The following CEP57 variants were observed in gnomAD, a reference collection of about 807,000 sequenced individuals.
CEP57 encodes centrosomal protein 57.
Under a neutral mutation model 68.0 loss-of-function variants are expected in CEP57, and 40 were observed. The ratio of observed to expected loss-of-function variants is 0.59; its 90% CI spans 0.46 to 0.77. CEP57 has a LOEUF of 0.77. CEP57 is among the 30% of genes least tolerant of loss of function. The probability of loss-of-function intolerance (pLI) is 0.00; values close to 1 mark genes in which losing one functional copy is unlikely to be tolerated. For synonymous variants in CEP57, 219 were observed against 198.7 expected (o/e 1.10, Z -0.86); for missense variants, 606 against 580.7 (o/e 1.04, Z -0.45).
chr11:95,804,745 CAT>C (rs1861721582), intron 2 of CEP57, among the ~76,000 whole-genome samples: 1 of 152,054 alleles, frequency 6.6e-6, no homozygotes, highest in Non-Finnish European at 1.5e-5. Flanking sequence ...AAAGTGTGCT[CAT>C]ATATAAATAA....
chr11:95,822,102 C>T (rs1862541217), intron 7 of CEP57, 124 bp downstream of exon 7: 1 of 740,366 alleles, frequency 1.4e-6, no homozygotes, highest in Non-Finnish European at 2.4e-6. Context: ...TCAATTTCTT[C>T]ATTCAGAAGG....
intron 10 of CEP57, among the ~76,000 whole-genome samples, chr11:95,830,137 A>T (rs1280263783): frequency 6.6e-6 from 1 of 152,154 alleles, no homozygotes; most frequent in East Asian, 1.9e-4. Flanking sequence ...CTTCTCATTT[A>T]ATTTTCACAA....
chr11:95,806,360 T>G (rs1861799914), intron 2 of CEP57, among the ~76,000 whole-genome samples: 1 of 152,252 alleles, frequency 6.6e-6, no homozygotes, highest in South Asian at 2.1e-4. Flanking sequence ...ACCGGGTTCA[T>G]CTCACTGGGG....
chr11:95,829,057 AT>A, intron 9 of CEP57, 129 bp from the exon 10 acceptor site: 3 of 959,576 alleles, frequency 3.1e-6, no homozygotes, highest in Non-Finnish European at 4.7e-6. Flanking sequence ...AAAAAAAAAA[AT>A]TTATTGCTCT....
chr11:95,817,837 A>G lies in CEP57; in HGVS notation c.555A>G (p.Gln185=), dbSNP rs773682444. ...RQHDQTHVQS[Q]LEKLDLLEQE... is the part of the protein sequence containing the mutation. ...ATGATCAAACACATGTTCAGAGCCA[A>G]CTTGAAAAATTGGATCTTCTTGAAC... Residue 185 remains glutamine, a synonymous_variant, in exon 5 of 11, where the codon CAA becomes CAG. Transcript: ENST00000325542. The G allele has an allele frequency of 2.5e-6, 4 of 1,614,070 alleles. No individual in the cohort carries two copies. The highest frequency in any genetic ancestry group is 2.5e-6 in the Non-Finnish European group (3 of 1,179,994).
chr11:95,824,161 A>C (rs1000593866), intron 8 of CEP57, among the ~76,000 whole-genome samples: 9 of 151,580 alleles, frequency 5.9e-5, no homozygotes, highest in Non-Finnish European at 1.2e-4. Context: ...GAAGAGGATC[A>C]CTGTAGCCCA....
chr11:95,815,526 C>G (rs1295974431), intron 4 of CEP57, among the ~76,000 whole-genome samples: 1 of 151,438 alleles, frequency 6.6e-6, no homozygotes, highest in African/African-American at 2.4e-5. Context: ...TTTATGGGAA[C>G]TTAATAAAGA....
At chr11:95,821,404 T>C (rs1565329013) in intron 6 of CEP57, among the ~76,000 whole-genome samples, 1 of 152,188 alleles carries the variant, frequency 6.6e-6, no homozygotes, top group East Asian at 1.9e-4. Flanking sequence ...TGTTTTTTGT[T>C]ATTTTTTTGG....
At chr11:95,816,484 C>T (rs1451471350) in intron 4 of CEP57, among the ~76,000 whole-genome samples, 5 of 152,058 alleles carry the variant, frequency 3.3e-5, no homozygotes, top group Non-Finnish European at 7.4e-5. Context: ...AGAAAGGGGT[C>T]AGTTTAATAA....
intron 2 of CEP57, among the ~76,000 whole-genome samples, chr11:95,808,532 A>G (rs566095293): frequency 3.9e-5 from 6 of 152,196 alleles, no homozygotes; most frequent in Non-Finnish European, 8.8e-5. Context: ...AAGATCTACC[A>G]AGCAAATGGA....
chr11:95,791,792 G>T (rs1217152426), intron 1 of CEP57, among the ~76,000 whole-genome samples: 1 of 152,170 alleles, frequency 6.6e-6, no homozygotes, highest in Non-Finnish European at 1.5e-5. Context: ...AAAAGGCAGT[G>T]CGGGAATTTT....
chr11:95,820,889 G>T (rs1404203002), intron 6 of CEP57, among the ~76,000 whole-genome samples: 1 of 152,124 alleles, frequency 6.6e-6, no homozygotes, highest in African/African-American at 2.4e-5. Flanking sequence ...CTTCCTGAGG[G>T]TAGAGATTCC....
chr11:95,805,370 T>TTTC (rs1861753627), intron 2 of CEP57, among the ~76,000 whole-genome samples: 1 of 152,226 alleles, frequency 6.6e-6, no homozygotes, highest in African/African-American at 2.4e-5. Flanking sequence ...ATTTTTCAGG[T>TTTC]TTCTTCCTGT....
At chr11:95,818,119 T>C in intron 5 of CEP57, 1 of 489,984 alleles carries the variant, frequency 2.0e-6, no homozygotes, top group Non-Finnish European at 3.7e-6. Flanking sequence ...GTTAAAAAAT[T>C]AAATGTTTTT....
At chr11:95,817,022 A>C (rs1485250514) in intron 4 of CEP57, among the ~76,000 whole-genome samples, 5 of 151,898 alleles carry the variant, frequency 3.3e-5, no homozygotes, top group Non-Finnish European at 5.9e-5. Context: ...AAAAAAAAAC[A>C]AAGTCTATAT....
chr11:95,812,981 A>G lies in CEP57; in HGVS notation c.252A>G (p.Glu84=), dbSNP rs748775990. 3.7e-6 allele frequency: 6 copies of G among 1,614,066 alleles called. No homozygotes were observed. Among genetic ancestry groups the G allele is most frequent in the South Asian group, 1.1e-5 (1 of 91,074 alleles). Reference sequence around the variant, plus strand: ...TTCAAGATAAGATTCGACGCTTGGAACTTGAGAGGATTCAGGCAGAAGAAA... The same window carrying G: ...TTCAAGATAAGATTCGACGCTTGGAGCTTGAGAGGATTCAGGCAGAAGAAA... The part of the protein sequence containing the change: ...KNLQDKIRRL[E]LERIQAEESV... The change falls in exon 3 of 11, where the codon GAA becomes GAG. Residue 84 remains glutamate, a synonymous_variant. Coordinates refer to ENST00000325542, the MANE Select transcript of CEP57 (RefSeq NM_014679.5).
intron 2 of CEP57, among the ~76,000 whole-genome samples, chr11:95,811,520 G>A (rs1466098437): frequency 6.6e-6 from 1 of 151,192 alleles, no homozygotes. Flanking sequence ...CATGGCACAT[G>A]TATACATATG....
chr11:95,826,931 A>G (rs2135370166), intron 8 of CEP57: 1 of 152,318 alleles, frequency 6.6e-6, no homozygotes, highest in East Asian at 1.9e-4. Flanking sequence ...ATTAGAAGGA[A>G]AGCATATGTT....
intron 6 of CEP57, among the ~76,000 whole-genome samples, chr11:95,820,782 T>C (rs534564345): frequency 1.2e-4 from 19 of 152,316 alleles, no homozygotes; most frequent in Admixed American, 7.2e-4. Context: ...ATTGGCATCA[T>C]AAGTCTTCTA....
Sources: gnomAD v4.1 joint callset for allele counts (sites outside exome capture counted in the v4.1 genomes callset) on GRCh38, gnomAD v4.1.1 for gene constraint, MANE v1.5 for transcripts, NCBI Gene and HGNC (gene_info 2026-07-23, HGNC 2026-07-21) for gene names.